KCNMA1: variants seen among roughly 807,000 people sequenced by gnomAD.
The protein encoded by KCNMA1 is Calcium-activated potassium channel subunit alpha-1.
Under a neutral mutation model 140.0 loss-of-function variants are expected in KCNMA1, and 29 were observed. The observed-to-expected ratio is 0.21, with a 90% confidence interval of 0.15 to 0.28. The LOEUF is 0.28. KCNMA1 is among the 10% of genes least tolerant of loss of function. KCNMA1 has a pLI of 1.00. For missense variants in KCNMA1, 880 were observed against 1,602.2 expected (o/e 0.55, Z 7.70); for synonymous variants, 612 against 611.9 (o/e 1.00, Z 0.00).
intron 6 of KCNMA1, among the ~76,000 whole-genome samples, chr10:77,113,601 T>C (rs1165108446): frequency 1.3e-5 from 2 of 152,086 alleles, no homozygotes; most frequent in Non-Finnish European, 2.9e-5. Flanking sequence ...GTAGCTGGGA[T>C]TACAGGCACC....
At chr10:76,946,723 G>T (rs1049439376) in intron 22 of KCNMA1, among the ~76,000 whole-genome samples, 1 of 152,152 alleles carries the variant, frequency 6.6e-6, no homozygotes, top group East Asian at 1.9e-4. Flanking sequence ...TCAATTGCCT[G>T]CATCCATATT....
At chr10:77,464,360 T>C (rs2097938354) in intron 1 of KCNMA1, among the ~76,000 whole-genome samples, 1 of 152,044 alleles carries the variant, frequency 6.6e-6, no homozygotes, top group Non-Finnish European at 1.5e-5. Context: ...GAGTCATTAG[T>C]ACACAGAGAG....
At chr10:77,192,677 G>A (rs11002072) in intron 3 of KCNMA1, among the ~76,000 whole-genome samples, 1 of 152,242 alleles carries the variant, frequency 6.6e-6, no homozygotes, top group African/African-American at 2.4e-5. Context: ...CAAAACTAAG[G>A]TAATAATAAT....
At chr10:77,377,750 G>C (rs1415891371) in intron 2 of KCNMA1, among the ~76,000 whole-genome samples, 1 of 152,208 alleles carries the variant, frequency 6.6e-6, no homozygotes, top group East Asian at 1.9e-4. Context: ...CTGGGAAGTA[G>C]AGGCTATGGA....
At chr10:76,877,787 G>A in exon 30 of KCNMA1, 1 of 1,576,054 alleles carries the variant, frequency 6.3e-7, no homozygotes, top group East Asian at 2.3e-5. Flanking sequence ...AGCTGCTTGT[G>A]GATTTATATT....
intron 25 of KCNMA1, among the ~76,000 whole-genome samples, chr10:76,892,371 C>T (rs535313193): frequency 1.3e-5 from 2 of 152,196 alleles, no homozygotes; most frequent in South Asian, 4.2e-4. Flanking sequence ...AAGTTTCCCT[C>T]TAAGTGTACA....
chr10:77,009,259 T>C (rs1333989196), intron 18 of KCNMA1, among the ~76,000 whole-genome samples: 1 of 152,142 alleles, frequency 6.6e-6, no homozygotes, highest in Non-Finnish European at 1.5e-5. Flanking sequence ...CTCCACCAAC[T>C]TTAAAGGAAA....
Position 77,108,315 on chromosome 10 carries a change from G to A in KCNMA1, c.1223+166C>T, listed in dbSNP as rs1302882954. The A allele has an allele frequency of 4.6e-6, 7 of 1,517,042 alleles. No homozygotes were observed. The East Asian group carries it at 9.5e-5, about 21-fold the overall frequency. 94.0% of individuals were successfully genotyped at this position (1,517,042 alleles called of 1,614,324 possible). The stretch of plus-strand genomic sequence containing the variant: ...TGCCTCCATGTTTGTTAAAAGTCCC[G>A]CCGAATTTATTCCGACTCAGGATGA... On this transcript the variant is annotated intron_variant, in intron 9 of 27. Transcript: ENST00000286628. The surrounding 1 kb of genome is among the most constrained non-coding windows in gnomAD (Gnocchi z 4.6).
chr10:76,897,330 T>G (rs2043015387), intron 25 of KCNMA1, among the ~76,000 whole-genome samples: 1 of 151,396 alleles, frequency 6.6e-6, no homozygotes, highest in African/African-American at 2.4e-5. Flanking sequence ...CTCCTAGACC[T>G]GTACTCGGTG....
chr10:76,973,881 C>T (rs540327466), intron 19 of KCNMA1: 1 of 152,340 alleles, frequency 6.6e-6, no homozygotes, highest in South Asian at 2.1e-4. Flanking sequence ...CAACTCCCAG[C>T]CTTCCCTAAT....
chr10:77,078,096 T>C (rs2096454822), intron 13 of KCNMA1: 1 of 152,208 alleles, frequency 6.6e-6, no homozygotes, highest in Admixed American at 6.5e-5. Flanking sequence ...AATTAAGAAA[T>C]AACGGCATGG....
intron 5 of KCNMA1, among the ~76,000 whole-genome samples, chr10:77,126,671 G>T (rs1314464661): frequency 6.6e-6 from 1 of 151,922 alleles, no homozygotes; most frequent in East Asian, 1.9e-4. Context: ...GCTACAAGGA[G>T]CTGCCTCACC....
At chr10:77,291,909 T>C (rs2073400418) in intron 2 of KCNMA1, among the ~76,000 whole-genome samples, 1 of 152,192 alleles carries the variant, frequency 6.6e-6, no homozygotes, top group African/African-American at 2.4e-5. Flanking sequence ...TCACTAGGAA[T>C]GCGGAATTCC....
intron 1 of KCNMA1, among the ~76,000 whole-genome samples, chr10:77,611,981 A>G (rs944152759): frequency 6.6e-5 from 10 of 152,244 alleles, no homozygotes; most frequent in Admixed American, 2.0e-4. Context: ...GACTAGTGAC[A>G]TGATTTAAGA....
intron 1 of KCNMA1, among the ~76,000 whole-genome samples, chr10:77,606,300 T>C (rs2084489537): frequency 6.6e-6 from 1 of 152,124 alleles, no homozygotes; most frequent in Non-Finnish European, 1.5e-5. Flanking sequence ...TCCAGAGAAA[T>C]GCCCAGACCC....
intron 7 of KCNMA1, among the ~76,000 whole-genome samples, chr10:77,111,413 G>A (rs192285801): frequency 3.9e-5 from 6 of 152,296 alleles, no homozygotes; most frequent in East Asian, 1.9e-4. Flanking sequence ...ACTAATACCC[G>A]TAGTAAGGTG....
chr10:77,607,478 G>A (rs563665314), intron 1 of KCNMA1, among the ~76,000 whole-genome samples: 3 of 152,246 alleles, frequency 2.0e-5, no homozygotes, highest in East Asian at 3.9e-4. Context: ...ATTTAATTAA[G>A]GACCTTGAGA....
At chr10:77,469,167 T>C (rs995117074) in intron 1 of KCNMA1, among the ~76,000 whole-genome samples, 3 of 152,130 alleles carry the variant, frequency 2.0e-5, no homozygotes, top group African/African-American at 4.8e-5. Flanking sequence ...CTCCACCCAA[T>C]ACCTTCAAAG....
intron 25 of KCNMA1, among the ~76,000 whole-genome samples, chr10:76,908,209 T>C (rs2048587183): frequency 2.0e-5 from 3 of 152,312 alleles, no homozygotes; most frequent in South Asian, 4.1e-4. Context: ...GGAACACATC[T>C]TGAGGCTTCT....
Sources: gnomAD v4.1 joint callset for allele counts (sites outside exome capture counted in the v4.1 genomes callset) on GRCh38, gnomAD v4.1.1 for gene constraint, Gnocchi (gnomAD v3.1) non-coding constraint, MANE v1.5 for transcripts, NCBI Gene and HGNC (gene_info 2026-07-23, HGNC 2026-07-21) for gene names.